RFTN2: variants seen among roughly 807,000 people sequenced by gnomAD.
RFTN2 encodes the protein raftlin family member 2.
A neutral mutation model predicts 52.7 loss-of-function variants in RFTN2; 34 were observed. The ratio of observed to expected loss-of-function variants is 0.64; its 90% CI spans 0.49 to 0.86. The LOEUF (loss-of-function observed/expected upper bound fraction) is 0.86, where lower values mean the gene tolerates loss of function less well. Ranked by LOEUF, RFTN2 falls within the 40% of genes least tolerant of loss-of-function variation. The pLI is 0.00. For missense variants in RFTN2, 536 were observed against 600.1 expected (o/e 0.89, Z 1.12); for synonymous variants, 203 against 217.7 (o/e 0.93, Z 0.59).
chr2:197,599,869 T>A (rs1030564651), intron 7 of RFTN2, among the ~76,000 whole-genome samples: 1 of 152,096 alleles, frequency 6.6e-6, no homozygotes, highest in Non-Finnish European at 1.5e-5. Flanking sequence ...TATATTTTAT[T>A]TTTTTTGAGG....
intron 1 of RFTN2, among the ~76,000 whole-genome samples, chr2:197,664,354 T>G (rs568805297): frequency 1.3e-5 from 2 of 151,970 alleles, no homozygotes; most frequent in South Asian, 4.2e-4. Context: ...TGTGTGCCTG[T>G]AGTCCCAGTT....
intron 5 of RFTN2, among the ~76,000 whole-genome samples, chr2:197,629,696 A>ACACACACACACACACACACACACACC (rs1325493901): frequency 2.2e-5 from 3 of 134,556 alleles, no homozygotes; most frequent in African/African-American, 7.8e-5. Context: ...ACACACACAC[A>ACACACACACACACACACACACACACC]CACATATTTA....
intron 8 of RFTN2, among the ~76,000 whole-genome samples, chr2:197,579,233 T>C (rs2087466855): frequency 6.6e-6 from 1 of 152,192 alleles, no homozygotes; most frequent in Non-Finnish European, 1.5e-5. Context: ...TAGTGGCAAG[T>C]ACCACTTTCC....
chr2:197,586,264 A>C (rs1314236050), intron 8 of RFTN2, among the ~76,000 whole-genome samples: 2 of 152,072 alleles, frequency 1.3e-5, no homozygotes, highest in Non-Finnish European at 2.9e-5. Context: ...TTGTTTGTAG[A>C]TACTCATCGT....
chr2:197,616,102 G>A (rs534981966), intron 6 of RFTN2, 123 bp from the exon 7 acceptor site: 47 of 588,756 alleles, frequency 8.0e-5, no homozygotes, highest in Non-Finnish European at 1.3e-4. Flanking sequence ...AGCCTTCCTG[G>A]GCTTCATGTT....
At chr2:197,625,658 A>G (rs924435669) in intron 5 of RFTN2, among the ~76,000 whole-genome samples, 5 of 83,100 alleles carry the variant, frequency 6.0e-5, no homozygotes, top group African/African-American at 2.3e-4. Flanking sequence ...GGGCAAAGAA[A>G]TTCCTCTCTC....
At chr2:197,664,508 C>G (rs1250120664) in intron 1 of RFTN2, among the ~76,000 whole-genome samples, 1 of 149,570 alleles carries the variant, frequency 6.7e-6, no homozygotes, top group Non-Finnish European at 1.5e-5. Flanking sequence ...GGTGCAGTGG[C>G]TTATGCCTGT....
chr2:197,569,957 T>C lies in RFTN2; in HGVS notation c.*2051A>G, dbSNP rs1482702759. On this transcript the variant is annotated 3_prime_UTR_variant, in exon 9 of 9. Coordinates refer to ENST00000295049, the MANE Select transcript of RFTN2 (RefSeq NM_144629.3). ...AAAAAAAAAAAAAAAAAAAAAGTTATTGCTATATTTCTGAGTTTTTTCTTA... is the reference window on the plus strand; with the variant it reads ...AAAAAAAAAAAAAAAAAAAAAGTTACTGCTATATTTCTGAGTTTTTTCTTA... The C allele has an allele frequency of 1.3e-5, 2 of 148,720 alleles. No homozygotes were observed. Among genetic ancestry groups the C allele is most frequent in the African/African-American group, 2.5e-5 (1 of 40,270 alleles). The allele number at this position is 148,720 out of a possible 1,614,324, so 9.2% of individuals were successfully genotyped here. A position where few individuals can be genotyped will look rare whatever the true frequency, so the allele number is the denominator to read the frequency against.
chr2:197,572,032 T>G lies in RFTN2; in HGVS notation c.1482A>C (p.Gly494=). The change falls in exon 9 of 9, where the codon GGA becomes GGC. Residue 494 remains glycine (G), a synonymous_variant. Coordinates refer to ENST00000295049, the MANE Select transcript of RFTN2 (RefSeq NM_144629.3). ...LDDGQFDQED[G]VTQVTCM The stretch of plus-strand genomic sequence containing the variant: ...CTCACATACAAGTGACCTGAGTCAC[T>G]CCATCTTCCTGATCAAACTGTCCGT... 6.2e-7 allele frequency: 1 copy of G among 1,614,226 alleles called. No homozygotes were observed.
chr2:197,670,513 C>CA (rs983985702), intron 1 of RFTN2, among the ~76,000 whole-genome samples: 1 of 152,048 alleles, frequency 6.6e-6, no homozygotes, highest in Admixed American at 6.6e-5. Context: ...TCCATCTCTA[C>CA]AAAAAATTAA....
chr2:197,611,736 C>A (rs1280747286), intron 7 of RFTN2, among the ~76,000 whole-genome samples: 2 of 152,274 alleles, frequency 1.3e-5, no homozygotes, highest in African/African-American at 4.8e-5. Context: ...CCTGCTTTCT[C>A]TTGTGGGCAT....
intron 3 of RFTN2, among the ~76,000 whole-genome samples, chr2:197,640,741 G>C (rs933512507): frequency 6.6e-6 from 1 of 152,012 alleles, no homozygotes; most frequent in Non-Finnish European, 1.5e-5. Flanking sequence ...GTTCCTATTC[G>C]GCCATCTTGG....
intron 5 of RFTN2, 130 bp from the exon 6 acceptor site, chr2:197,618,051 C>A (rs529382739): frequency 3.3e-4 from 155 of 462,698 alleles, no homozygotes; most frequent in African/African-American, 3.3e-3. Context: ...TTTGTTGCCC[C>A]CTCCCCCTCC....
intron 1 of RFTN2, among the ~76,000 whole-genome samples, chr2:197,671,056 C>T (rs559201732): frequency 1.3e-5 from 2 of 152,334 alleles, no homozygotes; most frequent in African/African-American, 4.8e-5. Flanking sequence ...TCCATCCCTT[C>T]TCACTGCAAT....
At chr2:197,588,827 C>G (rs926874269) in intron 8 of RFTN2, among the ~76,000 whole-genome samples, 1 of 152,120 alleles carries the variant, frequency 6.6e-6, no homozygotes, top group African/African-American at 2.4e-5. Context: ...CCATAACTTC[C>G]ACGTGTTGTG....
rs1180366376 is a variant in RFTN2, at chr2:197,571,644, A to T, written c.*364T>A. ...TAAATAAGACTGTAACTTCCTGAGA[A>T]CTCTCTCTAATTGGGTAAAATACTG... On this transcript the variant is annotated 3_prime_UTR_variant, in exon 9 of 9. Coordinates refer to ENST00000295049, the MANE Select transcript of RFTN2 (RefSeq NM_144629.3). 1.0e-5 allele frequency: 2 copies of T among 195,440 alleles called. No homozygotes were observed. The highest frequency in any genetic ancestry group is 2.1e-5 in the Non-Finnish European group (2 of 95,670). The allele number at this position is 195,440 out of a possible 1,614,324, so 12.1% of individuals were successfully genotyped here.
In RFTN2 at chr2:197,569,538, T is replaced by G. The variant is rs2087283466; in HGVS notation, c.*2470A>C. 6.6e-6 allele frequency: 1 copy of G among 152,182 alleles called. No individual in the cohort carries two copies. Among genetic ancestry groups the G allele is most frequent in the Non-Finnish European group, 1.5e-5 (1 of 68,022 alleles). 9.4% of individuals were successfully genotyped at this position (152,182 alleles called of 1,614,324 possible). On this transcript the variant is annotated 3_prime_UTR_variant, in exon 9 of 9. Coordinates refer to ENST00000295049, the MANE Select transcript of RFTN2 (RefSeq NM_144629.3). ...AAGTTTTGAGGATATGACAGACTAG[T>G]AAGTTTATTTTAATAAAAGTTATTT...
chr2:197,607,088 C>T (rs1353425430), intron 7 of RFTN2, among the ~76,000 whole-genome samples: 2 of 152,050 alleles, frequency 1.3e-5, no homozygotes, highest in Admixed American at 6.5e-5. Flanking sequence ...CCCAAATGTC[C>T]AACAATGATA....
intron 7 of RFTN2, among the ~76,000 whole-genome samples, chr2:197,602,243 G>A (rs1032571288): frequency 1.3e-5 from 2 of 150,538 alleles, no homozygotes; most frequent in Non-Finnish European, 3.0e-5. Context: ...TTTTTTTTTT[G>A]TGTTTTTAGT....
Sources: gnomAD v4.1 joint callset for allele counts (sites outside exome capture counted in the v4.1 genomes callset) on GRCh38, gnomAD v4.1.1 for gene constraint, MANE v1.5 for transcripts, NCBI Gene and HGNC (gene_info 2026-07-23, HGNC 2026-07-21) for gene names.